The following TMEM242 variants were observed in gnomAD, a reference collection of about 807,000 sequenced individuals.
TMEM242 encodes UPF0463 transmembrane protein C6orf35.
A neutral mutation model predicts 18.2 loss-of-function variants in TMEM242; 10 were observed. The observed-to-expected ratio is 0.55, with a 90% CI of 0.34 to 0.93. TMEM242 has a LOEUF of 0.93. TMEM242 is among the 40% of genes least tolerant of loss of function. The pLI is 0.02. For synonymous variants in TMEM242, 57 were observed against 69.9 expected, an observed-to-expected ratio of 0.81 and a Z score of 0.92; for missense variants, 186 against 175.5, an observed-to-expected ratio of 1.06 and a Z score of -0.34.
Position 157,304,545 on chromosome 6 carries a change from T to C in TMEM242, c.328-11546A>G, listed in dbSNP as rs74297580. ...AAATGGTAGAAGTGATGTGATCAGATTGCATTCAATAAATACTTACTAAAC... is the reference window on the plus strand; with the variant it reads ...AAATGGTAGAAGTGATGTGATCAGACTGCATTCAATAAATACTTACTAAAC... On this transcript the variant is annotated intron_variant, in intron 3 of 3. Transcript: ENST00000400788. Among the ~76,000 whole-genome samples, 708 of 147,638 alleles carry C rather than the reference T, an allele frequency of 4.8e-3. 36 individuals carry two copies. The East Asian group carries it at 0.12, about 26-fold the overall frequency.
chr6:157,308,395 A>C (rs141412617), intron 3 of TMEM242, among the ~76,000 whole-genome samples: 4,930 of 152,316 alleles, frequency 0.032, 131 homozygotes, highest in Admixed American at 0.047. Flanking sequence ...CATAAAAATT[A>C]TACCTAGGAG....
At chr6:157,294,399 G>A (rs1356018279) in intron 3 of TMEM242, among the ~76,000 whole-genome samples, 1 of 138,238 alleles carries the variant, frequency 7.2e-6, no homozygotes, top group African/African-American at 2.8e-5. Flanking sequence ...CGCCCAGGCT[G>A]GAGTGCAGTG....
At chr6:157,318,497 A>G (rs1318880039) in intron 3 of TMEM242, 3 of 414,812 alleles carry the variant, frequency 7.2e-6, no homozygotes, top group Non-Finnish European at 1.3e-5. Context: ...TGCTGGGATT[A>G]CAGGCATAAC....
At chr6:157,293,989 G>C (rs1777716934) in intron 3 of TMEM242, among the ~76,000 whole-genome samples, 1 of 152,082 alleles carries the variant, frequency 6.6e-6, no homozygotes, top group Admixed American at 6.5e-5. Context: ...CCAAAGTGCT[G>C]AGATCACAGG....
intron 3 of TMEM242, chr6:157,300,110 GACACAGT>G: frequency 1.5e-6 from 1 of 650,158 alleles, no homozygotes; most frequent in Non-Finnish European, 2.8e-6. Flanking sequence ...CTGCACAACA[GACACAGT>G]CCAACTCATG....
At chr6:157,298,363 A>T (rs1777779351) in intron 3 of TMEM242, among the ~76,000 whole-genome samples, 1 of 152,208 alleles carries the variant, frequency 6.6e-6, no homozygotes, top group Non-Finnish European at 1.5e-5. Flanking sequence ...ACCACCTCTG[A>T]CTGTCAAGCC....
chr6:157,311,232 C>G (rs868953673), intron 3 of TMEM242, among the ~76,000 whole-genome samples: 4,852 of 112,858 alleles, frequency 0.043, 42 homozygotes, highest in Non-Finnish European at 0.059. Flanking sequence ...CTAGCCTCAT[C>G]ATAGTGTCCC....
At chr6:157,310,635 T>G (rs1778004028) in intron 3 of TMEM242, among the ~76,000 whole-genome samples, 2 of 152,092 alleles carry the variant, frequency 1.3e-5, no homozygotes, top group Non-Finnish European at 2.9e-5. Flanking sequence ...CTCATCATAG[T>G]GTCCCAGTGT....
chr6:157,309,208 G>A (rs989563457), intron 3 of TMEM242, among the ~76,000 whole-genome samples: 1 of 152,012 alleles, frequency 6.6e-6, no homozygotes, highest in East Asian at 1.9e-4. Flanking sequence ...TGCTCCAAAA[G>A]GATGTTTCTA....
rs199909449 is a variant in TMEM242, at chr6:157,322,786, G to C, written c.108C>G (p.Thr36=). The C allele has an allele frequency of 5.0e-6, 8 of 1,613,534 alleles. No individual in the cohort carries two copies. The highest frequency in any genetic ancestry group is 4.2e-6 in the Non-Finnish European group (5 of 1,179,818). The stretch of plus-strand genomic sequence containing the variant: ...CAGCTAGCATTCCCGCTGCAGCAAC[G>C]GTACCAAGGAAAATTCCACCTGCCA... ...FLVKGGIFLG[T]VAAAGMLAGF... Residue 36 remains threonine, a synonymous_variant, in exon 2 of 4, where the codon ACC becomes ACG. Coordinates refer to ENST00000400788, the MANE Select transcript of TMEM242 (RefSeq NM_018452.6).
chr6:157,311,421 C>A (rs1246097154), intron 3 of TMEM242, among the ~76,000 whole-genome samples: 2 of 123,822 alleles, frequency 1.6e-5, no homozygotes, highest in African/African-American at 3.0e-5. Flanking sequence ...CCAGTGTGCA[C>A]GCATACGGCC....
chr6:157,316,716 A>T (rs934495302), intron 3 of TMEM242, among the ~76,000 whole-genome samples: 1 of 152,028 alleles, frequency 6.6e-6, no homozygotes. Context: ...CTCTACAAAA[A>T]ATAAAAAAAA....
intron 3 of TMEM242, among the ~76,000 whole-genome samples, chr6:157,310,620 C>CCGGCCTCATCA: frequency 6.7e-6 from 1 of 148,662 alleles, no homozygotes; most frequent in African/African-American, 2.4e-5. Context: ...GTGCCCTCAC[C>CCGGCCTCATCA]TAGCCTCATC....
chr6:157,305,060 G>A lies in TMEM242; in HGVS notation c.328-12061C>T, dbSNP rs1292932785. On this transcript the variant is annotated intron_variant, in intron 3 of 3. Transcript: ENST00000400788. The surrounding 1 kb of genome is among the most constrained non-coding windows in gnomAD (Gnocchi z 4.1). ...CTTCTTCAACAGGAAGCCACTGAAG[G>A]GTTTTAAATAAGGAAGTAGCATGAT... Among the ~76,000 whole-genome samples the A allele has an allele frequency of 2.0e-5, 3 of 152,092 alleles. 1 individual carries two copies. The highest frequency in any genetic ancestry group is 4.4e-5 in the Non-Finnish European group (3 of 68,024).
At chr6:157,302,928 C>T (rs1220887261) in intron 3 of TMEM242, among the ~76,000 whole-genome samples, 2 of 152,208 alleles carry the variant, frequency 1.3e-5, no homozygotes, top group Non-Finnish European at 2.9e-5. Flanking sequence ...AGTCACTATT[C>T]CTTTCACCTG....
chr6:157,317,035 C>T (rs191799865), intron 3 of TMEM242, among the ~76,000 whole-genome samples: 15 of 152,290 alleles, frequency 9.8e-5, no homozygotes, highest in Admixed American at 8.5e-4. Context: ...GAGGTTGTTC[C>T]TGCAACCCTG....
At chr6:157,304,057 T>C (rs1777868845) in intron 3 of TMEM242, among the ~76,000 whole-genome samples, 1 of 152,204 alleles carries the variant, frequency 6.6e-6, no homozygotes, top group Non-Finnish European at 1.5e-5. Flanking sequence ...ACATTTTTGT[T>C]CTTTGAAAGC....
intron 3 of TMEM242, among the ~76,000 whole-genome samples, chr6:157,300,557 G>A (rs1372656556): frequency 2.0e-5 from 3 of 152,168 alleles, no homozygotes; most frequent in African/African-American, 7.2e-5. Flanking sequence ...CTTTGCATAC[G>A]GGTGGTTGCC....
Position 157,289,067 on chromosome 6 carries a change from A to T in TMEM242, c.*3834T>A, listed in dbSNP as rs1343576002. Among the ~76,000 whole-genome samples the T allele has an allele frequency of 1.4e-4, 12 of 86,316 alleles. No homozygotes were observed. The highest frequency in any genetic ancestry group is 1.7e-4 in the Non-Finnish European group (7 of 41,372). 56.6% of individuals were successfully genotyped at this position (86,316 alleles called of 152,430 possible). A position where few individuals can be genotyped will look rare whatever the true frequency, so the allele number is the denominator to read the frequency against. ...AATACATTCACCTTTTTTTTTTTTT[A>T]AAGTAAGGGATCATGCCTCATCAAA... On this transcript the variant is annotated 3_prime_UTR_variant, in exon 4 of 4. Coordinates refer to ENST00000400788, the MANE Select transcript of TMEM242 (RefSeq NM_018452.6).
Sources: allele counts gnomAD v4.1 joint callset (sites outside exome capture counted in the v4.1 genomes callset), GRCh38; gene constraint gnomAD v4.1.1; non-coding constraint Gnocchi (gnomAD v3.1); transcripts MANE v1.5; gene names NCBI Gene and HGNC (gene_info 2026-07-23, HGNC 2026-07-21).